Variants in SPATS2L observed in about 807,000 individuals in gnomAD.
SPATS2L encodes spermatogenesis associated serine rich 2 like.
A neutral mutation model predicts 59.6 loss-of-function variants in SPATS2L; 30 were observed. The ratio of observed to expected loss-of-function variants is 0.50; its 90% confidence interval spans 0.38 to 0.68. The LOEUF (loss-of-function observed/expected upper bound fraction) is 0.68. SPATS2L is among the 30% of genes least tolerant of loss of function. The pLI is 0.00. For missense variants in SPATS2L, 615 were observed against 700.0 expected (o/e 0.88, Z 1.37); for synonymous variants, 252 against 263.5 (o/e 0.96, Z 0.42).
intron 2 of SPATS2L, among the ~76,000 whole-genome samples, chr2:200,382,923 C>G (rs910125029): frequency 8.5e-5 from 13 of 152,318 alleles, no homozygotes; most frequent in Non-Finnish European, 1.3e-4. Context: ...CCCCTTATCT[C>G]TCTAGGCTTC....
At chr2:200,427,849 A>G (rs998654043) in intron 6 of SPATS2L, among the ~76,000 whole-genome samples, 3 of 152,128 alleles carry the variant, frequency 2.0e-5, no homozygotes, top group African/African-American at 7.2e-5. Flanking sequence ...ATCAAAGTAT[A>G]TAATAATTAT....
chr2:200,356,004 G>T (rs1018071560), intron 2 of SPATS2L, among the ~76,000 whole-genome samples: 5 of 152,156 alleles, frequency 3.3e-5, no homozygotes, highest in African/African-American at 1.2e-4. Context: ...AAATATCTAT[G>T]TAATGGTTGA....
In SPATS2L at chr2:200,477,802, A is replaced by C. The variant is rs1256678004; in HGVS notation, c.1448A>C (p.Asn483Thr). 8 of 1,575,186 alleles carry C rather than the reference A, an allele frequency of 5.1e-6. No individual in the cohort carries two copies. In the South Asian group the frequency reaches 9.3e-5, roughly 18 times the overall value. ...RQPHNGFRPKNKGGAKNQEAS... is the reference protein window; with the variant it reads ...RQPHNGFRPKTKGGAKNQEAS... Reference sequence around the variant, plus strand: ...CCGCACAACGGCTTCCGGCCCAAAAACAAAGGCGGTGCCAAAAATCAAGAG... The same window carrying C: ...CCGCACAACGGCTTCCGGCCCAAAACCAAAGGCGGTGCCAAAAATCAAGAG... Residue 483 changes from asparagine to threonine, a missense_variant, in exon 13 of 13, where the codon AAC (asparagine) becomes ACC (threonine). This residue lies in a region of SPATS2L where 284 missense variants were observed against 280.1 expected (regional missense o/e 1.01). Coordinates refer to ENST00000409140, the MANE Select transcript of SPATS2L (RefSeq NM_001100423.2).
chr2:200,403,257 A>T (rs1200703585), intron 3 of SPATS2L, among the ~76,000 whole-genome samples: 1 of 152,210 alleles, frequency 6.6e-6, no homozygotes, highest in Non-Finnish European at 1.5e-5. Context: ...TGCTTCTCTT[A>T]TAGCAACATA....
In SPATS2L at chr2:200,473,053, G is replaced by A. The variant is rs1415026360; in HGVS notation, c.1281+1G>A. On this transcript the variant is annotated splice_donor_variant, in intron 12 of 12. Coordinates refer to ENST00000409140, the MANE Select transcript of SPATS2L (RefSeq NM_001100423.2). LOFTEE classifies it high-confidence loss of function. Reference sequence around the variant, plus strand: ...CCAGACCATGCCGGCCAACAAGCAGGTAAGCCGACACTGGTGCAGGGTGCC... The same window carrying A: ...CCAGACCATGCCGGCCAACAAGCAGATAAGCCGACACTGGTGCAGGGTGCC... 1 of 1,610,044 alleles carries A rather than the reference G, an allele frequency of 6.2e-7. No homozygotes were observed.
At position 200,367,093 on chromosome 2, in the gene SPATS2L, A is replaced by G. The variant is rs115564447; in HGVS notation, c.-22-22130A>G. Among the ~76,000 whole-genome samples the G allele has an allele frequency of 3.3e-3, 506 of 152,358 alleles. 5 individuals carry two copies. Among genetic ancestry groups the G allele is most frequent in the African/African-American group, 0.012 (485 of 41,592 alleles). On this transcript the variant is annotated intron_variant, in intron 2 of 12. Coordinates refer to ENST00000409140, the MANE Select transcript of SPATS2L (RefSeq NM_001100423.2). ...ATATTATTGAAAAGATATACCTGAG[A>G]GGATAAAACATCAGTATTCTAAGTA...
chr2:200,468,490 A>G (rs973329171), intron 10 of SPATS2L, among the ~76,000 whole-genome samples: 23 of 152,158 alleles, frequency 1.5e-4, no homozygotes, highest in African/African-American at 5.3e-4. Flanking sequence ...CTTGGCAATG[A>G]TTGACAGTGG....
At chr2:200,444,963 C>T (rs969023507) in intron 8 of SPATS2L, among the ~76,000 whole-genome samples, 3 of 152,164 alleles carry the variant, frequency 2.0e-5, no homozygotes, top group African/African-American at 7.2e-5. Flanking sequence ...TATCCTCCCT[C>T]TCAAAGTGAC....
chr2:200,308,882 T>C, intron 1 of SPATS2L: 1 of 592,820 alleles, frequency 1.7e-6, no homozygotes, highest in South Asian at 2.2e-5. Context: ...TTCATTTTGT[T>C]TTAGGGAGCC....
rs370200567 is a variant in SPATS2L at position 200,342,688 on chromosome 2, G to A, written c.-23+13208G>A. ...TTTTTCCTGGTGTCTTCTGGGACTG[G>A]TACTGCATACCCAGGGTCACCCTGT... On this transcript the variant is annotated intron_variant, in intron 2 of 12. Coordinates refer to ENST00000409140, the MANE Select transcript of SPATS2L (RefSeq NM_001100423.2). Among the ~76,000 whole-genome samples the A allele has an allele frequency of 3.9e-5, 6 of 152,204 alleles. No individual in the cohort carries two copies. The East Asian group carries it at 1.2e-3, about 29-fold the overall frequency.
At chr2:200,431,632 T>G (rs1042379190) in intron 6 of SPATS2L, among the ~76,000 whole-genome samples, 17 of 152,232 alleles carry the variant, frequency 1.1e-4, no homozygotes, top group African/African-American at 4.1e-4. Flanking sequence ...TACAGTTAGA[T>G]TTGAATTCTT....
At chr2:200,341,235 G>A (rs1005173470) in intron 2 of SPATS2L, among the ~76,000 whole-genome samples, 2 of 152,086 alleles carry the variant, frequency 1.3e-5, no homozygotes, top group South Asian at 2.1e-4. Flanking sequence ...CCTCAAGGTC[G>A]CACGATTAAC....
At chr2:200,454,858 A>G (rs1005539282) in intron 8 of SPATS2L, among the ~76,000 whole-genome samples, 2 of 152,232 alleles carry the variant, frequency 1.3e-5, no homozygotes, top group African/African-American at 4.8e-5. Flanking sequence ...GCCAGTGGAA[A>G]GCCAATTAAA....
At chr2:200,396,862 G>C (rs2082371863) in intron 3 of SPATS2L, among the ~76,000 whole-genome samples, 1 of 152,148 alleles carries the variant, frequency 6.6e-6, no homozygotes, top group South Asian at 2.1e-4. Context: ...ACAGGTTCTT[G>C]TCATCATTTT....
rs779933077 is a variant in SPATS2L, at chr2:200,412,305, T to G, written c.40-6T>G. On this transcript the variant is annotated splice_region_variant and splice_polypyrimidine_tract_variant and intron_variant, in intron 3 of 12. Coordinates refer to ENST00000409140, the MANE Select transcript of SPATS2L (RefSeq NM_001100423.2). The stretch of plus-strand genomic sequence containing the variant: ...TTCTATTTCTTTTTTTTTTTTTCCT[T>G]TACAGATCTATGCAGTTAGATCAGT... 80 of 1,479,070 alleles carry G rather than the reference T, an allele frequency of 5.4e-5. No homozygotes were observed. Among genetic ancestry groups the G allele is most frequent in the Non-Finnish European group, 7.1e-5 (77 of 1,087,148 alleles). The allele number at this position is 1,479,070 out of a possible 1,614,324, so 91.6% of individuals were successfully genotyped here. A position where few individuals can be genotyped will look rare whatever the true frequency, so the allele number is the denominator to read the frequency against.
intron 2 of SPATS2L, among the ~76,000 whole-genome samples, chr2:200,357,280 A>G (rs910221018): frequency 6.6e-6 from 1 of 152,120 alleles, no homozygotes; most frequent in African/African-American, 2.4e-5. Context: ...AAGTCCTTTC[A>G]TTGTCAGTGT....
intron 2 of SPATS2L, among the ~76,000 whole-genome samples, chr2:200,384,554 G>C (rs964129268): frequency 6.6e-6 from 1 of 152,054 alleles, no homozygotes; most frequent in South Asian, 2.1e-4. Flanking sequence ...GGGTTTCACC[G>C]TGTTAGCCAG....
intron 6 of SPATS2L, among the ~76,000 whole-genome samples, chr2:200,432,626 G>A (rs1216770542): frequency 6.6e-6 from 1 of 152,120 alleles, no homozygotes; most frequent in Non-Finnish European, 1.5e-5. Context: ...ATGGGAAGGA[G>A]CAGGAAAATG....
intron 2 of SPATS2L, among the ~76,000 whole-genome samples, chr2:200,375,869 C>T (rs1048859901): frequency 2.6e-4 from 40 of 152,164 alleles, no homozygotes; most frequent in African/African-American, 9.4e-4. Flanking sequence ...TCGAAGGATC[C>T]TCCCACCTCA....
Sources: allele counts gnomAD v4.1 joint callset (sites outside exome capture counted in the v4.1 genomes callset), GRCh38; gene constraint gnomAD v4.1.1; regional missense constraint gnomAD v4.1.1; transcripts MANE v1.5; gene names NCBI Gene and HGNC (gene_info 2026-07-23, HGNC 2026-07-21).